Variants in PRKN observed in about 807,000 individuals in gnomAD.
The protein encoded by PRKN is E3 ubiquitin-protein ligase parkin.
In PRKN, 56 loss-of-function variants were observed where a neutral mutation model predicts 59.5. That is an observed-to-expected ratio of 0.94 (90% CI 0.76 to 1.18). PRKN has a LOEUF of 1.18. Ranked by LOEUF, PRKN falls within the 50% of genes most tolerant of loss-of-function variation. The pLI is 0.00. For missense variants in PRKN, 657 were observed against 596.4 expected, an observed-to-expected ratio of 1.10 and a Z score of -1.06; for synonymous variants, 250 against 222.1, an observed-to-expected ratio of 1.13 and a Z score of -1.12.
chr6:162,386,904 A>G (rs957971780), intron 2 of PRKN, among the ~76,000 whole-genome samples: 3 of 152,196 alleles, frequency 2.0e-5, no homozygotes, highest in African/African-American at 7.2e-5. Context: ...AATATAGACT[A>G]CGTCAATAAG....
Position 161,447,315 on chromosome 6 carries a change from C to T in PRKN, c.1084-60438G>A, listed in dbSNP as rs564243132. ...CGCGGCTAAACCCTAAAATTCACTT[C>T]GAAACTCCTAACAGCAGAATTCCCC... is the stretch of plus-strand genomic sequence containing the variant. On this transcript the variant is annotated intron_variant, in intron 9 of 11. Coordinates refer to ENST00000366898, the MANE Select transcript of PRKN (RefSeq NM_004562.3). This position sits in a 1 kb window ranked among gnomAD's most constrained non-coding sequence, Gnocchi z 4.1. Among the ~76,000 whole-genome samples, 20 of 152,296 alleles carry T rather than the reference C, an allele frequency of 1.3e-4. No homozygotes were observed. In the South Asian group the frequency reaches 3.3e-3, roughly 25 times the overall value.
chr6:162,514,055 G>A (rs1260662553), intron 1 of PRKN, among the ~76,000 whole-genome samples: 6 of 150,678 alleles, frequency 4.0e-5, no homozygotes, highest in African/African-American at 1.2e-4. Context: ...CAAAAAAAAA[G>A]AAAAAGAAAA....
At chr6:161,831,464 C>T (rs899627777) in intron 6 of PRKN, among the ~76,000 whole-genome samples, 2 of 152,322 alleles carry the variant, frequency 1.3e-5, no homozygotes, top group African/African-American at 4.8e-5. Context: ...CCAAAACCAC[C>T]TTGACAAGTC....
At chr6:162,271,207 G>A (rs1486833627) in intron 2 of PRKN, among the ~76,000 whole-genome samples, 2 of 151,796 alleles carry the variant, frequency 1.3e-5, no homozygotes, top group African/African-American at 2.4e-5. Context: ...TTTTAATAAC[G>A]TATTTTCTAT....
At chr6:162,693,361 G>A (rs7747631) in intron 1 of PRKN, among the ~76,000 whole-genome samples, 217 of 152,304 alleles carry the variant, frequency 1.4e-3, no homozygotes, top group African/African-American at 4.7e-3. Flanking sequence ...TTATAAAGGT[G>A]TAAGAATCAA....
chr6:161,868,221 C>T (rs566551811), intron 6 of PRKN, among the ~76,000 whole-genome samples: 169 of 151,776 alleles, frequency 1.1e-3, no homozygotes, highest in African/African-American at 3.3e-3. Context: ...TATTGTTTTA[C>T]GTATAGTATA....
chr6:162,073,416 A>T (rs1778668073), intron 4 of PRKN, among the ~76,000 whole-genome samples: 1 of 152,104 alleles, frequency 6.6e-6, no homozygotes, highest in African/African-American at 2.4e-5. Flanking sequence ...TTTCCCAAGT[A>T]CTACCTCTAT....
chr6:162,207,349 G>A (rs1392315820), intron 3 of PRKN, among the ~76,000 whole-genome samples: 4 of 152,088 alleles, frequency 2.6e-5, no homozygotes. Context: ...TCCAGCCTGG[G>A]TGACAGAGCG....
At chr6:162,626,419 G>A (rs1782897699) in intron 1 of PRKN, among the ~76,000 whole-genome samples, 3 of 152,166 alleles carry the variant, frequency 2.0e-5, no homozygotes, top group Non-Finnish European at 2.9e-5. Context: ...AATGACTCTC[G>A]AATTAATCAT....
In PRKN at chr6:162,454,617, T is replaced by C. The variant is rs541417963; in HGVS notation, c.8-11144A>G. 2.0e-5 allele frequency among the ~76,000 whole-genome samples: 3 copies of C among 152,354 alleles called. No individual in the cohort carries two copies. In the East Asian group the frequency reaches 5.8e-4, roughly 29 times the overall value. On this transcript the variant is annotated intron_variant, in intron 1 of 11. Coordinates refer to ENST00000366898, the MANE Select transcript of PRKN (RefSeq NM_004562.3). Reference sequence around the variant, plus strand: ...GTGGCTTTCACACTGGACTGTATGTTACCCTGAGGGTATATGGGACGTGCC... The same window carrying C: ...GTGGCTTTCACACTGGACTGTATGTCACCCTGAGGGTATATGGGACGTGCC...
Position 162,443,434 on chromosome 6 carries a change from T to G in PRKN, c.47A>C (p.Glu16Ala), listed in dbSNP as rs199841689. ...RFNSSHGFPV[E>A]VDSDTSIFQL... ...GAAGATGCTGGTGTCAGAATCGACC[T>G]CCACTGGGAAACCATGGCTGGAGTT... Residue 16 changes from glutamate to alanine, a missense_variant, in exon 2 of 12, where the codon GAG (glutamate) becomes GCG (alanine). Transcript: ENST00000366898. 1.2e-6 allele frequency: 2 copies of G among 1,614,034 alleles called. No homozygotes were observed. Among genetic ancestry groups the G allele is most frequent in the East Asian group, 2.2e-5 (1 of 44,858 alleles).
chr6:161,523,561 T>C (rs1052561190), intron 9 of PRKN, among the ~76,000 whole-genome samples: 2 of 152,222 alleles, frequency 1.3e-5, no homozygotes, highest in Admixed American at 6.5e-5. Flanking sequence ...AATAACTCAA[T>C]TGGTCATTAC....
Position 161,538,193 on chromosome 6 carries a change from A to T in PRKN, c.1083+10661T>A, listed in dbSNP as rs1187663689. ...AATTACCTCCTAGAGTGCAAGAGTG[A>T]GGCTTATCTGCTTCTGACTGGGTTC... On this transcript the variant is annotated intron_variant, in intron 9 of 11. Transcript: ENST00000366898. This position sits in a 1 kb window ranked among gnomAD's most constrained non-coding sequence, Gnocchi z 4.2. Among the ~76,000 whole-genome samples the T allele has an allele frequency of 6.6e-6, 1 of 152,166 alleles. No homozygotes were observed. The highest frequency in any genetic ancestry group is 1.5e-5 in the Non-Finnish European group (1 of 68,016).
Position 161,419,389 on chromosome 6 carries a change from C to T in PRKN, c.1084-32512G>A, listed in dbSNP as rs977614212. On this transcript the variant is annotated intron_variant, in intron 9 of 11. Transcript: ENST00000366898. The surrounding 1 kb of genome is among the most constrained non-coding windows in gnomAD (Gnocchi z 4.1). ...GAGGGCCTTTCCTTTTTTCTTTTTT[C>T]TTCTTCTTTTTTTTTTTAAATGGAG... 1.4e-4 allele frequency among the ~76,000 whole-genome samples: 13 copies of T among 92,902 alleles called. No homozygotes were observed. The highest frequency in any genetic ancestry group is 3.8e-4 in the African/African-American group (9 of 23,746). 60.9% of individuals were successfully genotyped at this position (92,902 alleles called of 152,430 possible).
rs1369696622 is a variant in PRKN, at chr6:161,533,862, G to A, written c.1083+14992C>T. 9.2e-5 allele frequency among the ~76,000 whole-genome samples: 14 copies of A among 151,936 alleles called. No homozygotes were observed. The highest frequency in any genetic ancestry group is 9.2e-4 in the Admixed American group (14 of 15,268). ...ACCCTGGGGATTTACCCTAGACTAC[G>A]ATGCTGCTTCACTAGTAGGAAGAGA... is the stretch of plus-strand genomic sequence containing the variant. On this transcript the variant is annotated intron_variant, in intron 9 of 11. Coordinates refer to ENST00000366898, the MANE Select transcript of PRKN (RefSeq NM_004562.3). The surrounding 1 kb of genome is among the most constrained non-coding windows in gnomAD (Gnocchi z 4.1).
At chr6:162,298,057 G>C (rs1437246872) in intron 2 of PRKN, among the ~76,000 whole-genome samples, 1 of 152,092 alleles carries the variant, frequency 6.6e-6, no homozygotes, top group African/African-American at 2.4e-5. Flanking sequence ...TCTGTTCTGT[G>C]CCCTCAGAGG....
chr6:161,574,683 G>C (rs978567685), intron 7 of PRKN, among the ~76,000 whole-genome samples: 7 of 152,056 alleles, frequency 4.6e-5, no homozygotes, highest in Admixed American at 1.3e-4. Flanking sequence ...AAGATTCCCG[G>C]CAGCATCTCT....
chr6:162,011,851 A>G (rs928668786), intron 5 of PRKN, among the ~76,000 whole-genome samples: 5 of 151,136 alleles, frequency 3.3e-5, no homozygotes, highest in African/African-American at 1.2e-4. Context: ...TTACTTCTAC[A>G]TATAAAATTA....
intron 7 of PRKN, among the ~76,000 whole-genome samples, chr6:161,570,727 A>G (rs1780855495): frequency 6.6e-6 from 1 of 152,216 alleles, no homozygotes; most frequent in Non-Finnish European, 1.5e-5. Context: ...CCTCTAGTCA[A>G]CAGTAGGTTA....
Sources: gnomAD v4.1 joint callset for allele counts (sites outside exome capture counted in the v4.1 genomes callset) on GRCh38, gnomAD v4.1.1 for gene constraint, Gnocchi (gnomAD v3.1) non-coding constraint, MANE v1.5 for transcripts, NCBI Gene and HGNC (gene_info 2026-07-23, HGNC 2026-07-21) for gene names.